Variants in VGLL3 observed in about 807,000 individuals in gnomAD.
VGLL3 encodes the protein vestigial like family member 3.
Under a neutral mutation model 29.2 loss-of-function variants are expected in VGLL3, and 18 were observed. That is an observed-to-expected ratio of 0.62 (90% CI 0.43 to 0.91). The LOEUF (loss-of-function observed/expected upper bound fraction) is 0.91. Ranked by LOEUF, VGLL3 falls within the 40% of genes least tolerant of loss-of-function variation. VGLL3 has a pLI of 0.00. For synonymous variants in VGLL3, 180 were observed against 151.8 expected (o/e 1.19, Z -1.36); for missense variants, 440 against 413.2 (o/e 1.06, Z -0.56).
At chr3:86,972,239 T>G (rs997616514) in intron 2 of VGLL3, among the ~76,000 whole-genome samples, 10 of 152,212 alleles carry the variant, frequency 6.6e-5, no homozygotes, top group Admixed American at 2.6e-4. Context: ...AGTAGAAATC[T>G]ATTTTTGAAA....
At chr3:86,968,153 T>A (rs1442074305) in intron 3 of VGLL3, among the ~76,000 whole-genome samples, 1 of 152,166 alleles carries the variant, frequency 6.6e-6, no homozygotes, top group African/African-American at 2.4e-5. Context: ...CACTATAGAC[T>A]ATATTTCAGA....
chr3:86,944,591 T>C lies in VGLL3; in HGVS notation c.*2433A>G, dbSNP rs1437866129. On this transcript the variant is annotated 3_prime_UTR_variant, in exon 4 of 4. Transcript: ENST00000398399. ...AAGAGAGAGCTCACTTACAAATCTT[T>C]CCTGTGTACAGCAGAAACCAGGTTC... The C allele has an allele frequency of 2.0e-5, 3 of 152,200 alleles. No homozygotes were observed. Among genetic ancestry groups the C allele is most frequent in the African/African-American group, 7.2e-5 (3 of 41,420 alleles). 9.4% of individuals were successfully genotyped at this position (152,200 alleles called of 1,614,324 possible).
intron 1 of VGLL3, among the ~76,000 whole-genome samples, chr3:86,981,792 T>C (rs932937771): frequency 1.3e-5 from 2 of 152,054 alleles, no homozygotes; most frequent in African/African-American, 4.8e-5. Flanking sequence ...TAAAGTTAGG[T>C]TAATTTTCAC....
In VGLL3 at chr3:86,947,050, T is replaced by G; in HGVS notation, c.955A>C (p.Lys319Gln). 1 of 780,762 alleles carries G rather than the reference T, an allele frequency of 1.3e-6. No homozygotes were observed. The highest frequency in any genetic ancestry group is 2.4e-6 in the Non-Finnish European group (1 of 417,924). The allele number at this position is 780,762 out of a possible 1,614,324, so 48.4% of individuals were successfully genotyped here. A position where few individuals can be genotyped will look rare whatever the true frequency, so the allele number is the denominator to read the frequency against. Reference protein sequence around the residue: ...GFDTGLQHQDKSKESPWY With the variant: ...GFDTGLQHQDQSKESPWY ...CAGTACCACGGTGATTCCTTACTCT[T>G]GTCTTGATGCTGTAGACCTGGAACA... is the stretch of plus-strand genomic sequence containing the variant. Residue 319 changes from lysine (K) to glutamine (Q), a missense_variant, in exon 4 of 4, where the codon AAG (lysine) becomes CAG (glutamine). Transcript: ENST00000398399.
At chr3:86,982,454 T>G (rs1185182864) in intron 1 of VGLL3, among the ~76,000 whole-genome samples, 1 of 151,976 alleles carries the variant, frequency 6.6e-6, no homozygotes, top group Admixed American at 6.6e-5. Flanking sequence ...CTCTGCTTTT[T>G]TTTTTTTTTT....
At position 86,978,891 on chromosome 3, in the gene VGLL3, C is replaced by T. The variant is rs931392913; in HGVS notation, c.127-89G>A. ...GTTTTCACTTTTTTAAAAAAAGAAT[C>T]TAAATATTAACATATGTTTGCAAAC... On this transcript the variant is annotated intron_variant, in intron 1 of 3. Transcript: ENST00000398399. 3.6e-6 allele frequency: 5 copies of T among 1,382,512 alleles called. No individual in the cohort carries two copies. The African/African-American group carries it at 7.3e-5, about 20-fold the overall frequency. 85.6% of individuals were successfully genotyped at this position (1,382,512 alleles called of 1,614,324 possible).
chr3:86,975,914 C>A (rs1705201185), intron 2 of VGLL3, among the ~76,000 whole-genome samples: 1 of 152,038 alleles, frequency 6.6e-6, no homozygotes, highest in Non-Finnish European at 1.5e-5. Context: ...GAGTTCAAGA[C>A]CAGCCTGGCC....
chr3:86,959,168 G>C (rs1704785403), intron 3 of VGLL3, among the ~76,000 whole-genome samples: 1 of 152,016 alleles, frequency 6.6e-6, no homozygotes, highest in Admixed American at 6.6e-5. Flanking sequence ...AATCTTTCTT[G>C]AATCATAATA....
At position 86,989,469 on chromosome 3, in the gene VGLL3, G is replaced by T. The variant is rs62257354; in HGVS notation, c.126+1149C>A. ...TTCCTAAATTCTAAACGGAAAGTTAGATTTCTTTCTAAAGAGTAGCACTGT... is the reference window on the plus strand; with the variant it reads ...TTCCTAAATTCTAAACGGAAAGTTATATTTCTTTCTAAAGAGTAGCACTGT... On this transcript the variant is annotated intron_variant, in intron 1 of 3. Coordinates refer to ENST00000398399, the MANE Select transcript of VGLL3 (RefSeq NM_016206.4). Among the ~76,000 whole-genome samples the T allele has an allele frequency of 2.2e-3, 328 of 152,278 alleles. 1 individual carries two copies. Among genetic ancestry groups the T allele is most frequent in the Non-Finnish European group, 3.9e-3 (268 of 68,024 alleles).
Position 86,943,190 on chromosome 3 carries a change from T to C in VGLL3, c.*3834A>G, listed in dbSNP as rs1329148061. ...TCTTTTCCATTAATTCATTCTGCTT[T>C]CTATTTATCCCTCATTCAAAACTCT... On this transcript the variant is annotated 3_prime_UTR_variant, in exon 4 of 4. Transcript: ENST00000398399. 2.0e-5 allele frequency: 3 copies of C among 152,214 alleles called. No individual in the cohort carries two copies. The highest frequency in any genetic ancestry group is 7.2e-5 in the African/African-American group (3 of 41,452). 9.4% of individuals were successfully genotyped at this position (152,214 alleles called of 1,614,324 possible).
chr3:86,951,730 C>T (rs1473216881), intron 3 of VGLL3, among the ~76,000 whole-genome samples: 1 of 149,388 alleles, frequency 6.7e-6, no homozygotes, highest in Admixed American at 6.7e-5. Context: ...CCTGTTTTAT[C>T]CCCCCCAAAA....
intron 2 of VGLL3, among the ~76,000 whole-genome samples, chr3:86,971,308 G>A (rs1705096098): frequency 6.6e-6 from 1 of 152,114 alleles, no homozygotes; most frequent in Non-Finnish European, 1.5e-5. Flanking sequence ...TAAAGGCTGT[G>A]GCAGCAGCAC....
At position 86,976,939 on chromosome 3, in the gene VGLL3, A is replaced by T. The variant is rs960437639; in HGVS notation, c.403+1587T>A. On this transcript the variant is annotated intron_variant, in intron 2 of 3. Transcript: ENST00000398399. ...CCATCTAACTCACTAATGTTTTCCT[A>T]TTTTCTTCCTCTACAAATTATTAAA... Among the ~76,000 whole-genome samples the T allele has an allele frequency of 9.2e-5, 14 of 152,254 alleles. No individual in the cohort carries two copies. The South Asian group carries it at 1.9e-3, about 20-fold the overall frequency.
At chr3:86,980,912 G>A (rs1281862383) in intron 1 of VGLL3, among the ~76,000 whole-genome samples, 3 of 151,056 alleles carry the variant, frequency 2.0e-5, no homozygotes, top group East Asian at 1.9e-4. Context: ...ATTCTTATCC[G>A]TGAAACTAAT....
chr3:86,965,694 C>T (rs1355334150), intron 3 of VGLL3, among the ~76,000 whole-genome samples: 1 of 152,096 alleles, frequency 6.6e-6, no homozygotes, highest in Non-Finnish European at 1.5e-5. Flanking sequence ...ACCCACCTGG[C>T]CCAATATCAT....
At position 86,938,513 on chromosome 3, in the gene VGLL3, C is replaced by T. The variant is rs1446272102; in HGVS notation, c.*8511G>A. ...TGGCAAGATATTAAATCCTCTGTTG[C>T]TATATTTGGCTCTCTGCAAATAGTC... On this transcript the variant is annotated 3_prime_UTR_variant, in exon 4 of 4. Coordinates refer to ENST00000398399, the MANE Select transcript of VGLL3 (RefSeq NM_016206.4). 1 of 152,580 alleles carries T rather than the reference C, an allele frequency of 6.6e-6. No homozygotes were observed. Among genetic ancestry groups the T allele is most frequent in the Non-Finnish European group, 1.5e-5 (1 of 68,046 alleles). 9.5% of individuals were successfully genotyped at this position (152,580 alleles called of 1,614,324 possible).
intron 3 of VGLL3, among the ~76,000 whole-genome samples, chr3:86,956,566 C>A (rs1056298549): frequency 6.6e-6 from 1 of 152,056 alleles, no homozygotes; most frequent in South Asian, 2.1e-4. Flanking sequence ...GCGGGCGGAT[C>A]ACGAGGTCAG....
Position 86,978,777 on chromosome 3 carries a change from A to T in VGLL3, c.152T>A (p.Met51Lys), listed in dbSNP as rs781368663. 1 of 1,611,574 alleles carries T rather than the reference A, an allele frequency of 6.2e-7. No individual in the cohort carries two copies. Among genetic ancestry groups the T allele is most frequent in the Non-Finnish European group, 8.5e-7 (1 of 1,178,640 alleles). ...QQKKLAVFSK[M>K]QDSLEVTLPS... ...AAGGGTGACTTCCAGAGAGTCCTGC[A>T]TCTTGCTGAATACCGCTAACTTCTT... Residue 51 changes from methionine (M) to lysine (K), a missense_variant, in exon 2 of 4, where the codon ATG (methionine) becomes AAG (lysine). Physicochemically the swap from Met to Lys is moderately conservative, Grantham distance 95. Coordinates refer to ENST00000398399, the MANE Select transcript of VGLL3 (RefSeq NM_016206.4).
At chr3:86,966,800 T>TAC (rs1282301195) in intron 3 of VGLL3, among the ~76,000 whole-genome samples, 1 of 113,276 alleles carries the variant, frequency 8.8e-6, no homozygotes, top group African/African-American at 3.4e-5. Context: ...TATATATATA[T>TAC]ATATATATAT....
Sources: gnomAD v4.1 joint callset for allele counts (sites outside exome capture counted in the v4.1 genomes callset) on GRCh38, gnomAD v4.1.1 for gene constraint, MANE v1.5 for transcripts, NCBI Gene and HGNC (gene_info 2026-07-23, HGNC 2026-07-21) for gene names.